The following KIF1C variants were observed in gnomAD, a reference collection of about 807,000 sequenced individuals.
KIF1C encodes the protein kinesin-like protein KIF1C.
In KIF1C, 61 loss-of-function variants were observed where a neutral mutation model predicts 126.5. The observed-to-expected ratio is 0.48, with a 90% CI of 0.39 to 0.60. KIF1C has a LOEUF of 0.60. Ranked by LOEUF, KIF1C falls within the 20% of genes least tolerant of loss-of-function variation. KIF1C has a pLI of 0.00. For missense variants in KIF1C, 1,315 were observed against 1,489.2 expected (o/e 0.88, Z 1.93); for synonymous variants, 640 against 580.6 (o/e 1.10, Z -1.47).
chr17:5,004,050 C>T lies in KIF1C; in HGVS notation c.917C>T (p.Thr306Ile). 6.2e-7 allele frequency: 1 copy of T among 1,613,936 alleles called. No individual in the cohort carries two copies. The highest frequency in any genetic ancestry group is 8.5e-7 in the Non-Finnish European group (1 of 1,179,892). ...DFIPYRDSVL[T>I]WLLKENLGGN... ...ATCCCCTACAGGGACTCTGTGCTCA[C>T]CTGGCTGCTCAAGGAAAATTTGGGT... The change falls in exon 11 of 23, where the codon ACC (threonine) becomes ATC (isoleucine). Residue 306 changes from threonine (T) to isoleucine (I), a missense_variant. By Grantham distance (89) the Thr-to-Ile change is moderately conservative (BLOSUM62 -1). Around this residue, in one of 2 missense-constraint regions of KIF1C, gnomAD observed 874 missense variants for 1,053.2 expected, o/e 0.83. Transcript: ENST00000320785.
chr17:5,006,847 C>A, intron 13 of KIF1C, 68 bp from the exon 14 acceptor site: 1 of 1,523,350 alleles, frequency 6.6e-7, no homozygotes, highest in South Asian at 1.1e-5. Context: ...AGCTCTTGGT[C>A]TCCTGGATGT....
intron 13 of KIF1C, among the ~76,000 whole-genome samples, chr17:5,005,802 C>G (rs1056998005): frequency 6.6e-6 from 1 of 150,940 alleles, no homozygotes; most frequent in African/African-American, 2.4e-5. Context: ...TCTTGGCTCA[C>G]TGCAACCTCC....
In KIF1C at chr17:4,998,137, G is replaced by T. The variant is rs1300635482; in HGVS notation, c.-168G>T. 1 of 152,292 alleles carries T rather than the reference G, an allele frequency of 6.6e-6. No homozygotes were observed. Among genetic ancestry groups the T allele is most frequent in the Non-Finnish European group, 1.5e-5 (1 of 68,162 alleles). 9.4% of individuals were successfully genotyped at this position (152,292 alleles called of 1,614,324 possible). A position where few individuals can be genotyped will look rare whatever the true frequency, so the allele number is the denominator to read the frequency against. On this transcript the variant is annotated 5_prime_UTR_variant, in exon 1 of 23. Transcript: ENST00000320785. ...TTGTCCCTCTCCGCCGAGCTGCTCC[G>T]GGAGCCCCGCCGCGCCGAGGTGAGG...
In KIF1C at chr17:5,002,042, C is replaced by T. The variant is rs200195090; in HGVS notation, c.364-17C>T. 8.7e-6 allele frequency: 14 copies of T among 1,613,044 alleles called. 1 individual carries two copies. The highest frequency in any genetic ancestry group is 1.7e-4 in the Middle Eastern group (1 of 6,060). On this transcript the variant is annotated splice_polypyrimidine_tract_variant and intron_variant, in intron 5 of 22. Transcript: ENST00000320785. Reference sequence around the variant, plus strand: ...CTGAACAGGAGCTTCTCTGTATTTCCCTGTGTCCCCCTCCAGCTCTGTGAG... The same window carrying T: ...CTGAACAGGAGCTTCTCTGTATTTCTCTGTGTCCCCCTCCAGCTCTGTGAG...
rs550136320 is a variant in KIF1C, at chr17:5,023,759, G to C, written c.2920G>C (p.Asp974His). The C allele has an allele frequency of 6.6e-7, 1 of 1,522,766 alleles. No homozygotes were observed. The highest frequency in any genetic ancestry group is 2.3e-5 in the East Asian group (1 of 44,132). 94.3% of individuals were successfully genotyped at this position (1,522,766 alleles called of 1,614,324 possible). A position where few individuals can be genotyped will look rare whatever the true frequency, so the allele number is the denominator to read the frequency against. The change falls in exon 23 of 23, where the codon GAC (aspartate) becomes CAC (histidine). Residue 974 changes from aspartate to histidine, a missense_variant. Transcript: ENST00000320785. The surrounding 1 kb of genome is among the most constrained non-coding windows in gnomAD (Gnocchi z 4.2). ...RPPARFVPPH[D>H]CKLRFPFKSN... Reference sequence around the variant, plus strand: ...CCCAGCCCGCTTTGTGCCCCCTCACGACTGCAAGCTACGCTTCCCCTTCAA... The same window carrying C: ...CCCAGCCCGCTTTGTGCCCCCTCACCACTGCAAGCTACGCTTCCCCTTCAA...
chr17:5,000,297 C>T lies in KIF1C; in HGVS notation c.51C>T (p.Ala17=), dbSNP rs958316030. 11 of 1,592,830 alleles carry T rather than the reference C, an allele frequency of 6.9e-6. No homozygotes were observed. The highest frequency in any genetic ancestry group is 1.3e-5 in the African/African-American group (1 of 74,404). Reference sequence around the variant, plus strand: ...CAGTGAGGGTTCGGCCCTTTAACGCCCGTGAGACCAGCCAGGATGCCAAGT... The same window carrying T: ...CAGTGAGGGTTCGGCCCTTTAACGCTCGTGAGACCAGCCAGGATGCCAAGT... The part of the protein sequence containing the change: ...KVAVRVRPFN[A]RETSQDAKCV... Residue 17 remains alanine, a synonymous_variant, in exon 3 of 23, where the codon GCC becomes GCT. Coordinates refer to ENST00000320785, the MANE Select transcript of KIF1C (RefSeq NM_006612.6).
rs200610749 is a variant in KIF1C at position 5,022,565 on chromosome 17, G to A, written c.2484G>A (p.Ala828=). 2.1e-5 allele frequency: 34 copies of A among 1,595,718 alleles called. No individual in the cohort carries two copies. The highest frequency in any genetic ancestry group is 3.3e-4 in the Middle Eastern group (2 of 6,042). The part of the protein sequence containing the change: ...GGGSEEGARG[A]EVEDLRAHID... Reference sequence around the variant, plus strand: ...GCAGTGAGGAGGGAGCCCGAGGGGCGGAGGTGGAGGACCTCCGGGCCCACA... The same window carrying A: ...GCAGTGAGGAGGGAGCCCGAGGGGCAGAGGTGGAGGACCTCCGGGCCCACA... Residue 828 remains alanine, a synonymous_variant, in exon 22 of 23, where the codon GCG becomes GCA. Transcript: ENST00000320785. This position sits in a 1 kb window ranked among gnomAD's most constrained non-coding sequence, Gnocchi z 4.9.
intron 18 of KIF1C, among the ~76,000 whole-genome samples, chr17:5,016,231 G>A (rs868493342): frequency 2.0e-5 from 3 of 151,336 alleles, no homozygotes; most frequent in African/African-American, 4.8e-5. Flanking sequence ...TCTGCCTCCC[G>A]GGTTCAAGTA....
At chr17:5,000,891 G>C (rs368057469) in intron 4 of KIF1C, 43 bp downstream of exon 4, 2 of 1,564,734 alleles carry the variant, frequency 1.3e-6, no homozygotes, top group South Asian at 1.1e-5. Context: ...GTGAGAGACA[G>C]AGGATTTAGG....
chr17:5,005,388 C>T (rs1597847049), intron 13 of KIF1C, among the ~76,000 whole-genome samples: 1 of 152,332 alleles, frequency 6.6e-6, no homozygotes, highest in East Asian at 1.9e-4. Flanking sequence ...CCTAACAGAT[C>T]TCAGTGGAGT....
chr17:5,024,027 A>C lies in KIF1C; in HGVS notation c.3188A>C (p.Gln1063Pro). ...CCCAAAAAGCACAACTCTTATCCCC[A>C]GCCACCCCAACCCTACCCAGCCCAG... ...FQPKKHNSYP[Q>P]PPQPYPAQRP... The change falls in exon 23 of 23, where the codon CAG becomes CCG. Residue 1063 changes from glutamine (Q) to proline (P), a missense_variant. Gln to Pro is a moderately conservative substitution (Grantham distance 76). Around this residue, in one of 2 missense-constraint regions of KIF1C, gnomAD observed 441 missense variants for 436.1 expected, o/e 1.01. Transcript: ENST00000320785. 6.3e-7 allele frequency: 1 copy of C among 1,592,408 alleles called. No individual in the cohort carries two copies. Among genetic ancestry groups the C allele is most frequent in the Non-Finnish European group, 8.6e-7 (1 of 1,168,948 alleles).
chr17:5,023,377 TC>T lies in KIF1C; in HGVS notation c.2629-89del, dbSNP rs1975133029. 9.1e-7 allele frequency: 1 copy of T among 1,096,386 alleles called. No homozygotes were observed. Among genetic ancestry groups the T allele is most frequent in the African/African-American group, 1.6e-5 (1 of 63,654 alleles). The allele number at this position is 1,096,386 out of a possible 1,614,324, so 67.9% of individuals were successfully genotyped here. On this transcript the variant is annotated intron_variant, in intron 22 of 22. Coordinates refer to ENST00000320785, the MANE Select transcript of KIF1C (RefSeq NM_006612.6). The surrounding 1 kb of genome is among the most constrained non-coding windows in gnomAD (Gnocchi z 4.2). ...AGGCTTTTCTCTGGACCCTTTGACA[TC>T]CAGCCACTCCAGGTCCCTCTTGAAT...
Position 5,002,775 on chromosome 17 carries a change from A to G in KIF1C, c.653A>G (p.His218Arg). Reference protein sequence around the residue: ...TNMNETSSRSHAVFTIVFTQR... With the variant: ...TNMNETSSRSRAVFTIVFTQR... ...ATGAATGAGACCAGCAGCCGTTCCC[A>G]TGCCGTCTTTACCATCGTCTTCACA... The change falls in exon 8 of 23, where the codon CAT becomes CGT. Residue 218 changes from histidine to arginine, a missense_variant. Coordinates refer to ENST00000320785, the MANE Select transcript of KIF1C (RefSeq NM_006612.6). 6 of 1,613,896 alleles carry G rather than the reference A, an allele frequency of 3.7e-6. No individual in the cohort carries two copies. Among genetic ancestry groups the G allele is most frequent in the Non-Finnish European group, 5.1e-6 (6 of 1,179,944 alleles).
Position 5,026,367 on chromosome 17 carries a change from A to T in KIF1C, c.*2216A>T, listed in dbSNP as rs970183274. On this transcript the variant is annotated 3_prime_UTR_variant, in exon 23 of 23. Transcript: ENST00000320785. ...TACCGAGAATGCTGTGGGGTTTGAG[A>T]TGAGAAAAATAGCTTGCTAATTTAA... 1 of 152,208 alleles carries T rather than the reference A, an allele frequency of 6.6e-6. No homozygotes were observed. Among genetic ancestry groups the T allele is most frequent in the African/African-American group, 2.4e-5 (1 of 41,458 alleles). The allele number at this position is 152,208 out of a possible 1,614,324, so 9.4% of individuals were successfully genotyped here. A position where few individuals can be genotyped will look rare whatever the true frequency, so the allele number is the denominator to read the frequency against.
chr17:5,014,794 G>A lies in KIF1C; in HGVS notation c.1623G>A (p.Glu541=). The change falls in exon 18 of 23, where the codon GAG becomes GAA. Residue 541 remains glutamate (E), a synonymous_variant. Coordinates refer to ENST00000320785, the MANE Select transcript of KIF1C (RefSeq NM_006612.6). ...DIKLTGQFIR[E]QHCLFRSIPQ... is the part of the protein sequence containing the mutation. ...AGCTGACCGGACAGTTCATTCGGGA[G>A]CAACACTGTCTGTTCCGGAGCATCC... 6.2e-7 allele frequency: 1 copy of A among 1,602,494 alleles called. No individual in the cohort carries two copies. Among genetic ancestry groups the A allele is most frequent in the Non-Finnish European group, 8.5e-7 (1 of 1,174,958 alleles).
In KIF1C at chr17:5,014,842, T is replaced by C. The variant is rs1057523116; in HGVS notation, c.1666+5T>C. The C allele has an allele frequency of 4.4e-6, 7 of 1,579,560 alleles. 1 individual carries two copies. In the Admixed American group the frequency reaches 9.2e-5, roughly 21 times the overall value. On this transcript the variant is annotated splice_donor_5th_base_variant and intron_variant, in intron 18 of 22. Coordinates refer to ENST00000320785, the MANE Select transcript of KIF1C (RefSeq NM_006612.6). ...TCCCCCAGCCAGATGGAGAAGGTAA[T>C]GGCTGAGGGGGTGAGAGAGGCCAGA... is the stretch of plus-strand genomic sequence containing the variant.
Position 5,024,229 on chromosome 17 carries a change from G to C in KIF1C, c.*78G>C. 9.4e-7 allele frequency: 1 copy of C among 1,066,404 alleles called. No homozygotes were observed. Among genetic ancestry groups the C allele is most frequent in the Non-Finnish European group, 1.4e-6 (1 of 728,128 alleles). The allele number at this position is 1,066,404 out of a possible 1,614,324, so 66.1% of individuals were successfully genotyped here. A position where few individuals can be genotyped will look rare whatever the true frequency, so the allele number is the denominator to read the frequency against. ...AGACGCCCGAGACGCTGCTTCCCCA[G>C]AAGTGCTGGGGCAGGGAGGCCCAGG... On this transcript the variant is annotated 3_prime_UTR_variant, in exon 23 of 23. Coordinates refer to ENST00000320785, the MANE Select transcript of KIF1C (RefSeq NM_006612.6).
chr17:5,024,438 G>T lies in KIF1C; in HGVS notation c.*287G>T, dbSNP rs191657829. The T allele has an allele frequency of 2.7e-6, 1 of 376,112 alleles. No individual in the cohort carries two copies. Among genetic ancestry groups the T allele is most frequent in the Non-Finnish European group, 4.8e-6 (1 of 209,408 alleles). 23.3% of individuals were successfully genotyped at this position (376,112 alleles called of 1,614,324 possible). A position where few individuals can be genotyped will look rare whatever the true frequency, so the allele number is the denominator to read the frequency against. On this transcript the variant is annotated 3_prime_UTR_variant, in exon 23 of 23. Coordinates refer to ENST00000320785, the MANE Select transcript of KIF1C (RefSeq NM_006612.6). Reference sequence around the variant, plus strand: ...CCACAAACGCTGCTATGGGTGGGGTGGGGGGCTGGGGTGCTGCGTAGCCAG... The same window carrying T: ...CCACAAACGCTGCTATGGGTGGGGTTGGGGGCTGGGGTGCTGCGTAGCCAG...
intron 13 of KIF1C, among the ~76,000 whole-genome samples, chr17:5,005,605 T>G (rs762089469): frequency 1.3e-5 from 2 of 152,202 alleles, no homozygotes; most frequent in Non-Finnish European, 2.9e-5. Flanking sequence ...ATGTTTGCCT[T>G]CCAACATTTG....
Sources: gnomAD v4.1 joint callset for allele counts (sites outside exome capture counted in the v4.1 genomes callset) on GRCh38, gnomAD v4.1.1 for gene constraint, gnomAD v4.1.1 regional missense constraint, Gnocchi (gnomAD v3.1) non-coding constraint, MANE v1.5 for transcripts, NCBI Gene and HGNC (gene_info 2026-07-23, HGNC 2026-07-21) for gene names.